Variants in LRP1B observed in about 807,000 individuals in gnomAD.
LRP1B encodes the protein LDL receptor related protein 1B, also known as low-density lipoprotein receptor-related protein 1B.
A neutral mutation model predicts 556.6 loss-of-function variants in LRP1B; 217 were observed. That is an observed-to-expected ratio of 0.39 (90% CI 0.35 to 0.44). The LOEUF is 0.44. Among genes scored for constraint, LRP1B ranks in the 20% least tolerant of loss-of-function variants. The probability of loss-of-function intolerance (pLI) is 1.00; values close to 1 mark genes in which losing one functional copy is unlikely to be tolerated. For missense variants in LRP1B, 5,053 were observed against 5,620.8 expected (o/e 0.90, Z 3.23); for synonymous variants, 2,047 against 1,865.8 (o/e 1.10, Z -2.50).
At chr2:141,309,127 G>A (rs1362556595) in intron 3 of LRP1B, among the ~76,000 whole-genome samples, 1 of 152,114 alleles carries the variant, frequency 6.6e-6, no homozygotes, top group Non-Finnish European at 1.5e-5. Flanking sequence ...ATACTGCCAG[G>A]ATTCTCTGTT....
intron 2 of LRP1B, among the ~76,000 whole-genome samples, chr2:141,749,267 T>C (rs1054981336): frequency 3.9e-5 from 6 of 152,198 alleles, no homozygotes; most frequent in Non-Finnish European, 5.9e-5. Context: ...TATTTTCTAA[T>C]AGACAAGTGT....
intron 2 of LRP1B, among the ~76,000 whole-genome samples, chr2:141,630,480 T>G (rs759583979): frequency 3.3e-5 from 5 of 152,232 alleles, no homozygotes; most frequent in African/African-American, 1.2e-4. Context: ...CAGTCTTTCA[T>G]GAAGGTTTTT....
intron 62 of LRP1B, among the ~76,000 whole-genome samples, chr2:140,451,016 T>C (rs1362763531): frequency 6.6e-6 from 1 of 152,220 alleles, no homozygotes; most frequent in Non-Finnish European, 1.5e-5. Context: ...ATCTCAGCTA[T>C]CTGGAACCTC....
intron 35 of LRP1B, among the ~76,000 whole-genome samples, chr2:140,737,896 T>C (rs528355612): frequency 1.8e-3 from 267 of 152,348 alleles, no homozygotes; most frequent in Middle Eastern, 3.4e-3. Flanking sequence ...TGAGGTATCA[T>C]GCTAGAGCAG....
At chr2:142,042,732 C>G (rs1471041316) in intron 1 of LRP1B, among the ~76,000 whole-genome samples, 2 of 151,556 alleles carry the variant, frequency 1.3e-5, no homozygotes, top group African/African-American at 4.8e-5. Context: ...CACCTGAATT[C>G]TATCCAAACC....
intron 2 of LRP1B, among the ~76,000 whole-genome samples, chr2:141,776,939 C>T (rs989795751): frequency 1.3e-5 from 2 of 152,142 alleles, no homozygotes; most frequent in African/African-American, 4.8e-5. Context: ...ATTTGGGGTT[C>T]TGTTAAGAAT....
At chr2:141,367,526 A>G (rs1689086486) in intron 3 of LRP1B, among the ~76,000 whole-genome samples, 1 of 112,404 alleles carries the variant, frequency 8.9e-6, no homozygotes, top group Non-Finnish European at 1.6e-5. Flanking sequence ...TCTGTCACCC[A>G]GGCTGGAGGG....
intron 34 of LRP1B, among the ~76,000 whole-genome samples, chr2:140,770,190 GAATT>G (rs1161216451): frequency 1.3e-5 from 2 of 151,664 alleles, no homozygotes; most frequent in Non-Finnish European, 2.9e-5. Flanking sequence ...AGGATTAAGT[GAATT>G]AATACGTTTA....
At chr2:141,640,004 G>T in intron 2 of LRP1B, among the ~76,000 whole-genome samples, 1 of 152,152 alleles carries the variant, frequency 6.6e-6, no homozygotes, top group East Asian at 1.9e-4. Context: ...CCTTGGAAAT[G>T]ATGATTCAGC....
chr2:141,314,777 T>A (rs1333012017), intron 3 of LRP1B, among the ~76,000 whole-genome samples: 1 of 140,766 alleles, frequency 7.1e-6, no homozygotes, highest in Non-Finnish European at 1.5e-5. Flanking sequence ...GGCGACAGAG[T>A]GAGACCCCGT....
At chr2:141,673,381 C>A (rs568957135) in intron 2 of LRP1B, among the ~76,000 whole-genome samples, 7 of 152,316 alleles carry the variant, frequency 4.6e-5, no homozygotes, top group African/African-American at 1.7e-4. Context: ...AATTTTGTCT[C>A]CTACTCTACA....
intron 1 of LRP1B, among the ~76,000 whole-genome samples, chr2:141,972,655 G>GT (rs983166269): frequency 4.0e-5 from 6 of 150,776 alleles, no homozygotes; most frequent in Non-Finnish European, 5.9e-5. Context: ...CAAAAGCTGG[G>GT]TTTTTTAGAC....
At chr2:140,453,664 T>C (rs1428108130) in intron 62 of LRP1B, among the ~76,000 whole-genome samples, 1 of 141,556 alleles carries the variant, frequency 7.1e-6, no homozygotes, top group Non-Finnish European at 1.6e-5. Flanking sequence ...GTTGACTTTT[T>C]TCCTAAAATG....
At position 140,298,675 on chromosome 2, in the gene LRP1B, G is replaced by A. The variant is rs114317338; in HGVS notation, c.12806-706C>T. 3.9e-5 allele frequency among the ~76,000 whole-genome samples: 6 copies of A among 152,152 alleles called. 1 individual carries two copies. The highest frequency in any genetic ancestry group is 1.4e-4 in the African/African-American group (6 of 41,536). On this transcript the variant is annotated intron_variant, in intron 83 of 90. Coordinates refer to ENST00000389484, the MANE Select transcript of LRP1B (RefSeq NM_018557.3). ...AGACCAAATATGACAGATCATCTTT[G>A]ACTATTTTTCTTTATTTACTCTGTG...
intron 43 of LRP1B, among the ~76,000 whole-genome samples, chr2:140,577,613 G>T (rs1681582278): frequency 6.6e-6 from 1 of 151,764 alleles, no homozygotes; most frequent in South Asian, 2.1e-4. Flanking sequence ...CAGAAACAGA[G>T]TCTCACTATT....
intron 66 of LRP1B, among the ~76,000 whole-genome samples, chr2:140,408,249 T>A (rs1260519496): frequency 2.0e-5 from 3 of 151,796 alleles, no homozygotes; most frequent in Non-Finnish European, 4.4e-5. Context: ...GGGTGATGAG[T>A]GCACTAAAAT....
intron 35 of LRP1B, among the ~76,000 whole-genome samples, chr2:140,749,875 T>C (rs1048375768): frequency 1.3e-5 from 2 of 152,222 alleles, no homozygotes; most frequent in African/African-American, 4.8e-5. Flanking sequence ...TTCATATGAC[T>C]GACAGTGCAG....
chr2:140,737,860 G>A (rs1380995105), intron 35 of LRP1B, among the ~76,000 whole-genome samples: 1 of 152,162 alleles, frequency 6.6e-6, no homozygotes, highest in Admixed American at 6.5e-5. Context: ...TCACGTAATA[G>A]CCCTGGTGGC....
chr2:140,577,032 G>A (rs1182919759), intron 43 of LRP1B, among the ~76,000 whole-genome samples: 1 of 151,152 alleles, frequency 6.6e-6, no homozygotes, highest in Non-Finnish European at 1.5e-5. Flanking sequence ...GTAGTGAGTG[G>A]ACAAAAGATG....
Sources: gnomAD v4.1 joint callset for allele counts (sites outside exome capture counted in the v4.1 genomes callset) on GRCh38, gnomAD v4.1.1 for gene constraint, MANE v1.5 for transcripts, NCBI Gene and HGNC (gene_info 2026-07-23, HGNC 2026-07-21) for gene names.